The following PLEKHM2 variants were observed in gnomAD, a reference collection of about 807,000 sequenced individuals.
PLEKHM2 encodes pleckstrin homology and RUN domain containing M2, also known as pleckstrin homology domain-containing family M member 2.
PLEKHM2 carries 77 observed loss-of-function variants against 116.3 expected under a neutral mutation model. That is an observed-to-expected ratio of 0.66 (90% CI 0.55 to 0.80). The LOEUF (loss-of-function observed/expected upper bound fraction) is 0.80, where lower values mean the gene tolerates loss of function less well. PLEKHM2 is among the 30% of genes least tolerant of loss of function. The pLI, the probability that PLEKHM2 is intolerant of heterozygous loss-of-function variation, is 0.00. For synonymous variants in PLEKHM2, 562 were observed against 571.0 expected (o/e 0.98, Z 0.22); for missense variants, 1,183 against 1,354.9 (o/e 0.87, Z 1.99).
chr1:15,705,806 G>A (rs1182029135), intron 1 of PLEKHM2, among the ~76,000 whole-genome samples: 3 of 152,022 alleles, frequency 2.0e-5, no homozygotes, highest in Non-Finnish European at 4.4e-5. Flanking sequence ...AGAAACTATG[G>A]CAAGGCCGGA....
At chr1:15,720,980 T>C (rs1294777759) in intron 6 of PLEKHM2, 3 of 202,480 alleles carry the variant, frequency 1.5e-5, no homozygotes, top group Non-Finnish European at 3.0e-5. Flanking sequence ...GCCAGGGCAG[T>C]GTCTCCTTGC....
intron 1 of PLEKHM2, among the ~76,000 whole-genome samples, chr1:15,704,855 C>T (rs1043278375): frequency 3.3e-5 from 5 of 152,236 alleles, no homozygotes; most frequent in Admixed American, 3.3e-4. Context: ...TTCTGCCCAC[C>T]TCGCTGGCTG....
At chr1:15,716,877 G>A (rs1314417345) in intron 3 of PLEKHM2, 61 bp downstream of exon 3, 1 of 1,543,038 alleles carries the variant, frequency 6.5e-7, no homozygotes, top group African/African-American at 1.4e-5. Flanking sequence ...GGGTAGCTTG[G>A]GGCTCTGTCC....
At chr1:15,682,467 A>G (rs1272293089), upstream of PLEKHM2, among the ~76,000 whole-genome samples, 1 of 151,244 alleles carries the variant, frequency 6.6e-6, no homozygotes, top group Non-Finnish European at 1.5e-5. Flanking sequence ...AAAAAAAAAA[A>G]TTAGCTGGGC....
Position 15,727,415 on chromosome 1 carries a change from G to C in PLEKHM2, c.1343G>C (p.Arg448Thr). ...GGCTCTCCCGGGGATGCCCCGGAGA[G>C]GCCGCCGCTTTGCGACTTTAGTGAG... ...RTGSPGDAPE[R>T]PPLCDFSEGL... The change falls in exon 9 of 20, where the codon AGG (arginine) becomes ACG (threonine). Residue 448 changes from arginine to threonine, a missense_variant. By Grantham distance (71) the Arg-to-Thr change is moderately conservative. Around this residue, in one of 3 missense-constraint regions of PLEKHM2, gnomAD observed 372 missense variants for 357.2 expected, o/e 1.04. Coordinates refer to ENST00000375799, the MANE Select transcript of PLEKHM2 (RefSeq NM_015164.4). The surrounding 1 kb of genome is among the most constrained non-coding windows in gnomAD (Gnocchi z 7.5). 1 of 1,605,766 alleles carries C rather than the reference G, an allele frequency of 6.2e-7. No individual in the cohort carries two copies. The highest frequency in any genetic ancestry group is 8.5e-7 in the Non-Finnish European group (1 of 1,176,850).
In PLEKHM2 at chr1:15,695,825, A is replaced by G. The variant is rs551763522; in HGVS notation, c.60+11207A>G. Among the ~76,000 whole-genome samples the G allele has an allele frequency of 1.8e-4, 27 of 151,890 alleles. 1 individual carries two copies. The South Asian group carries it at 5.4e-3, about 30-fold the overall frequency. ...GGCCTTGGGGTTTGTTTTTTGAGACAGGGTCTTGCTCTGTCACCCAGGGTG... is the reference window on the plus strand; with the variant it reads ...GGCCTTGGGGTTTGTTTTTTGAGACGGGGTCTTGCTCTGTCACCCAGGGTG... On this transcript the variant is annotated intron_variant, in intron 1 of 19. Transcript: ENST00000375799.
intron 3 of PLEKHM2, among the ~76,000 whole-genome samples, chr1:15,717,303 C>CT (rs1415570801): frequency 1.3e-5 from 2 of 152,066 alleles, no homozygotes; most frequent in African/African-American, 4.8e-5. Flanking sequence ...AATTCCAACA[C>CT]TTTGGGAGGG....
chr1:15,724,547 C>T (rs936236689), intron 7 of PLEKHM2, among the ~76,000 whole-genome samples: 7 of 152,014 alleles, frequency 4.6e-5, no homozygotes, highest in African/African-American at 1.4e-4. Context: ...CTGGTCCTGC[C>T]CCCGAGGAGT....
At chr1:15,683,640 A>G (rs1479051565), upstream of PLEKHM2, among the ~76,000 whole-genome samples, 3 of 43,398 alleles carry the variant, frequency 6.9e-5, no homozygotes, top group African/African-American at 1.0e-4. Context: ...GTCTCTGGGG[A>G]GGGCCAGTGC....
chr1:15,727,344 C>A lies in PLEKHM2; in HGVS notation c.1272C>A (p.Ser424Arg), dbSNP rs370403424. 3.8e-6 allele frequency: 6 copies of A among 1,597,030 alleles called. No homozygotes were observed. Among genetic ancestry groups the A allele is most frequent in the Non-Finnish European group, 5.1e-6 (6 of 1,172,630 alleles). The change falls in exon 9 of 20, where the codon AGC (serine) becomes AGA (arginine). Residue 424 changes from serine to arginine, a missense_variant. Around this residue, in one of 3 missense-constraint regions of PLEKHM2, gnomAD observed 372 missense variants for 357.2 expected, o/e 1.04. Coordinates refer to ENST00000375799, the MANE Select transcript of PLEKHM2 (RefSeq NM_015164.4). The surrounding 1 kb of genome is among the most constrained non-coding windows in gnomAD (Gnocchi z 7.5). ...IDQLNGQLDP[S>R]TWCSRAEPPD... Reference sequence around the variant, plus strand: ...AGCTCAACGGGCAGCTGGACCCCAGCACCTGGTGCTCCCGTGCTGAGCCCC... The same window carrying A: ...AGCTCAACGGGCAGCTGGACCCCAGAACCTGGTGCTCCCGTGCTGAGCCCC...
intron 1 of PLEKHM2, among the ~76,000 whole-genome samples, chr1:15,689,005 T>C (rs1640832378): frequency 6.6e-6 from 1 of 151,958 alleles, no homozygotes; most frequent in Non-Finnish European, 1.5e-5. Flanking sequence ...CCCCAACACT[T>C]TGGGAGGCCG....
At chr1:15,682,413 C>T (rs1248693209), upstream of PLEKHM2, among the ~76,000 whole-genome samples, 2 of 148,564 alleles carry the variant, frequency 1.3e-5, no homozygotes, top group Non-Finnish European at 3.0e-5. Context: ...ATTGTGCCAC[C>T]GCACTCCGGC....
intron 1 of PLEKHM2, among the ~76,000 whole-genome samples, chr1:15,698,918 G>A (rs1047315225): frequency 1.1e-4 from 16 of 152,056 alleles, no homozygotes; most frequent in African/African-American, 1.9e-4. Flanking sequence ...GTTCTTATGC[G>A]GGGGTGATTT....
chr1:15,730,189 C>T lies in PLEKHM2; in HGVS notation c.2208+260C>T, dbSNP rs539436835. 9.2e-5 allele frequency among the ~76,000 whole-genome samples: 14 copies of T among 152,336 alleles called. No individual in the cohort carries two copies. In the South Asian group the frequency reaches 2.9e-3, roughly 32 times the overall value. On this transcript the variant is annotated intron_variant, in intron 14 of 19. Coordinates refer to ENST00000375799, the MANE Select transcript of PLEKHM2 (RefSeq NM_015164.4). ...GGCACAGTGGCTCACGCCTGTAATCCCAGCACTTTGGGAGGCCAAGGCAGG... is the reference window on the plus strand; with the variant it reads ...GGCACAGTGGCTCACGCCTGTAATCTCAGCACTTTGGGAGGCCAAGGCAGG...
At chr1:15,685,541 GAAA>G (rs200301672) in intron 1 of PLEKHM2, among the ~76,000 whole-genome samples, 21 of 73,554 alleles carry the variant, frequency 2.9e-4, no homozygotes, top group African/African-American at 7.4e-4. Flanking sequence ...CTCAGAAACT[GAAA>G]AAAAAAAAAA....
chr1:15,691,218 T>C (rs1227298390), intron 1 of PLEKHM2, among the ~76,000 whole-genome samples: 4 of 152,124 alleles, frequency 2.6e-5, no homozygotes, highest in Non-Finnish European at 5.9e-5. Context: ...TACAGACATA[T>C]GCCACCACGT....
intron 1 of PLEKHM2, among the ~76,000 whole-genome samples, chr1:15,690,040 G>A (rs962357304): frequency 2.0e-5 from 3 of 149,066 alleles, no homozygotes; most frequent in African/African-American, 7.4e-5. Context: ...ACAGGTGTGA[G>A]CCACCGCACC....
At chr1:15,704,149 G>A (rs1285130383) in intron 1 of PLEKHM2, among the ~76,000 whole-genome samples, 4 of 152,202 alleles carry the variant, frequency 2.6e-5, no homozygotes, top group East Asian at 1.9e-4. Flanking sequence ...CCTGCTTGTG[G>A]ACTCTCCTTT....
Position 15,712,486 on chromosome 1 carries a change from C to G in PLEKHM2, c.61-3751C>G, listed in dbSNP as rs114546942. 9.2e-3 allele frequency among the ~76,000 whole-genome samples: 1,406 copies of G among 152,112 alleles called. 21 individuals carry two copies. The highest frequency in any genetic ancestry group is 0.032 in the African/African-American group (1,345 of 41,486). On this transcript the variant is annotated intron_variant, in intron 1 of 19. Transcript: ENST00000375799. Reference sequence around the variant, plus strand: ...ACAGAAGCATCCACACAGGACTGCACAATGGTCACTGCAATATTATGTGCT... The same window carrying G: ...ACAGAAGCATCCACACAGGACTGCAGAATGGTCACTGCAATATTATGTGCT...
Sources: gnomAD v4.1 joint callset for allele counts (sites outside exome capture counted in the v4.1 genomes callset) on GRCh38, gnomAD v4.1.1 for gene constraint, gnomAD v4.1.1 regional missense constraint, Gnocchi (gnomAD v3.1) non-coding constraint, MANE v1.5 for transcripts, NCBI Gene and HGNC (gene_info 2026-07-23, HGNC 2026-07-21) for gene names.